The following VMP1 variants were observed in gnomAD, a reference collection of about 807,000 sequenced individuals.
The protein encoded by VMP1 is ectopic P-granules autophagy protein 3 homolog.
VMP1 carries 11 observed loss-of-function variants against 56.0 expected under a neutral mutation model. The observed-to-expected ratio is 0.20, with a 90% CI of 0.12 to 0.32. The LOEUF is 0.32. Among genes scored for constraint, VMP1 ranks in the 10% least tolerant of loss-of-function variants. The probability of loss-of-function intolerance (pLI) is 1.00; values close to 1 mark genes in which losing one functional copy is unlikely to be tolerated. For missense variants in VMP1, 296 were observed against 490.3 expected (o/e 0.60, Z 3.74); for synonymous variants, 149 against 165.0 (o/e 0.90, Z 0.74).
chr17:59,734,475 G>A (rs1012797595), intron 2 of VMP1, among the ~76,000 whole-genome samples: 9 of 152,200 alleles, frequency 5.9e-5, no homozygotes, highest in African/African-American at 2.2e-4. Context: ...GCTCACACCT[G>A]TAATTCCAGC....
At chr17:59,825,641 GT>G (rs2038623234) in intron 10 of VMP1, among the ~76,000 whole-genome samples, 5 of 152,188 alleles carry the variant, frequency 3.3e-5, no homozygotes, top group Admixed American at 3.3e-4. Context: ...AAAGTCCCCA[GT>G]TTTACCACAC....
rs539211937 is a variant in VMP1 at position 59,819,260 on chromosome 17, A to G, written c.974+1487A>G. ...AATAAAGTATTTTATATGTGACCAT[A>G]TATCACATAAAGACAAAAAATATTC... On this transcript the variant is annotated intron_variant, in intron 10 of 11. Coordinates refer to ENST00000262291, the MANE Select transcript of VMP1 (RefSeq NM_030938.5). Among the ~76,000 whole-genome samples, 4 of 152,284 alleles carry G rather than the reference A, an allele frequency of 2.6e-5. No individual in the cohort carries two copies. The South Asian group carries it at 8.3e-4, about 32-fold the overall frequency.
chr17:59,720,671 C>T (rs1238064213), intron 1 of VMP1, among the ~76,000 whole-genome samples: 1 of 152,100 alleles, frequency 6.6e-6, no homozygotes, highest in Non-Finnish European at 1.5e-5. Context: ...CTGTGTAGTG[C>T]ACTTATATAT....
chr17:59,832,167 A>G (rs904744990), intron 10 of VMP1, among the ~76,000 whole-genome samples: 4 of 151,170 alleles, frequency 2.6e-5, no homozygotes, highest in Non-Finnish European at 5.9e-5. Context: ...AGCAAGGAAA[A>G]GCAAATGAGA....
At chr17:59,774,583 TAA>T (rs1489482849) in intron 7 of VMP1, among the ~76,000 whole-genome samples, 1 of 152,212 alleles carries the variant, frequency 6.6e-6, no homozygotes, top group African/African-American at 2.4e-5. Flanking sequence ...AAGTAGTTAC[TAA>T]AACTTTAAAC....
chr17:59,735,329 G>A lies in VMP1; in HGVS notation c.77-9G>A, dbSNP rs896963142. On this transcript the variant is annotated splice_polypyrimidine_tract_variant and intron_variant, in intron 2 of 11. Coordinates refer to ENST00000262291, the MANE Select transcript of VMP1 (RefSeq NM_030938.5). ...ATTCTGTTTTAATCTCTGCACTATT[G>A]TTTTTCAGACCCCTCTTCAGTGAAT... 1.9e-6 allele frequency: 3 copies of A among 1,613,414 alleles called. No individual in the cohort carries two copies. The highest frequency in any genetic ancestry group is 2.7e-5 in the African/African-American group (2 of 74,920).
chr17:59,758,761 G>T (rs951321089), intron 5 of VMP1, among the ~76,000 whole-genome samples: 5 of 151,982 alleles, frequency 3.3e-5, no homozygotes, highest in African/African-American at 1.2e-4. Context: ...GAGCCTAGGA[G>T]TTTAAGCAAC....
chr17:59,824,353 C>T (rs1228172408), intron 10 of VMP1, among the ~76,000 whole-genome samples: 2 of 151,600 alleles, frequency 1.3e-5, no homozygotes, highest in Non-Finnish European at 2.9e-5. Flanking sequence ...AGGTGTATCA[C>T]CTGAGGTCAG....
intron 6 of VMP1, among the ~76,000 whole-genome samples, chr17:59,769,904 T>C (rs533198077): frequency 2.9e-4 from 44 of 152,312 alleles, no homozygotes; most frequent in African/African-American, 1.1e-3. Flanking sequence ...TATGAAATGA[T>C]GAGACTTCAG....
chr17:59,731,875 A>T (rs1322956169), intron 2 of VMP1, among the ~76,000 whole-genome samples: 1 of 152,224 alleles, frequency 6.6e-6, no homozygotes, highest in Admixed American at 6.5e-5. Flanking sequence ...CAGTTATCAA[A>T]AAAGTTAGAA....
intron 11 of VMP1, 181 bp downstream of exon 11, chr17:59,838,578 G>A: frequency 1.7e-6 from 1 of 602,248 alleles, no homozygotes; most frequent in Non-Finnish European, 3.0e-6. Flanking sequence ...ACTAGAAAGT[G>A]TAACTTCTGT....
chr17:59,773,211 C>T (rs1046948130), intron 6 of VMP1, among the ~76,000 whole-genome samples: 2 of 151,974 alleles, frequency 1.3e-5, no homozygotes, highest in East Asian at 1.9e-4. Context: ...CCGCCCGCCT[C>T]GCCCTCCCAA....
At chr17:59,797,265 G>A (rs566262610) in intron 7 of VMP1, among the ~76,000 whole-genome samples, 14 of 149,646 alleles carry the variant, frequency 9.4e-5, no homozygotes, top group African/African-American at 3.4e-4. Flanking sequence ...TTGAACCCGG[G>A]AGCAGAGGTT....
At chr17:59,816,056 A>T (rs912368166) in intron 9 of VMP1, among the ~76,000 whole-genome samples, 2 of 152,022 alleles carry the variant, frequency 1.3e-5, no homozygotes, top group Admixed American at 1.3e-4. Flanking sequence ...ATTTTGTAGA[A>T]TTCCCACTCA....
chr17:59,803,104 C>T (rs1034684626), intron 7 of VMP1, among the ~76,000 whole-genome samples: 1 of 152,150 alleles, frequency 6.6e-6, no homozygotes, highest in Non-Finnish European at 1.5e-5. Flanking sequence ...AAAATGTTTA[C>T]TGTTACTGTT....
At chr17:59,766,443 G>A (rs1300250046) in intron 6 of VMP1, among the ~76,000 whole-genome samples, 1 of 152,150 alleles carries the variant, frequency 6.6e-6, no homozygotes, top group East Asian at 1.9e-4. Context: ...AGTAGGGGTT[G>A]CAGTGAACCG....
At chr17:59,714,781 C>T (rs1442454407) in intron 1 of VMP1, among the ~76,000 whole-genome samples, 1 of 152,070 alleles carries the variant, frequency 6.6e-6, no homozygotes, top group Non-Finnish European at 1.5e-5. Flanking sequence ...GCAATCCTCC[C>T]ACCTCAGCCC....
intron 10 of VMP1, among the ~76,000 whole-genome samples, chr17:59,820,974 G>GTTTTTTTTTTTTTTTTTTT (rs904404398): frequency 7.2e-6 from 1 of 138,662 alleles, no homozygotes; most frequent in Non-Finnish European, 1.6e-5. Context: ...TCTTTTTTTT[G>GTTTTTTTTTTTTTTTTTTT]TTTTTTTTTT....
chr17:59,719,805 T>C (rs544573970), intron 1 of VMP1, among the ~76,000 whole-genome samples: 427 of 152,304 alleles, frequency 2.8e-3, no homozygotes, highest in African/African-American at 9.8e-3. Context: ...GAGCTGATTT[T>C]TGCAGTGTTT....
Sources: allele counts gnomAD v4.1 joint callset (sites outside exome capture counted in the v4.1 genomes callset), GRCh38; gene constraint gnomAD v4.1.1; transcripts MANE v1.5; gene names NCBI Gene and HGNC (gene_info 2026-07-23, HGNC 2026-07-21).